The following IFT56 variants were observed in gnomAD, a reference collection of about 807,000 sequenced individuals.
IFT56 encodes intraflagellar transport 56.
the IFT56 span, among the ~76,000 whole-genome samples, chr7:139,142,765 G>A: frequency 6.6e-6 from 1 of 152,136 alleles, no homozygotes; most frequent in African/African-American, 2.4e-5. Context: ...CCAGGAGGCG[G>A]GGGTTGCAGT....
the IFT56 span, among the ~76,000 whole-genome samples, chr7:139,166,274 G>T: frequency 2.0e-5 from 3 of 151,944 alleles, no homozygotes; most frequent in African/African-American, 7.2e-5. Flanking sequence ...TTATATAAAA[G>T]CAAAAAGAAA....
chr7:139,155,532 A>G, the IFT56 span, among the ~76,000 whole-genome samples: 7 of 152,224 alleles, frequency 4.6e-5, no homozygotes, highest in East Asian at 1.4e-3. Context: ...TCTATTAGCT[A>G]TGGAGATGAT....
At chr7:139,182,532 A>T in the IFT56 span, among the ~76,000 whole-genome samples, 8 of 152,226 alleles carry the variant, frequency 5.3e-5, no homozygotes, top group Non-Finnish European at 7.3e-5. Context: ...CAGAAGTAGG[A>T]AATTAACAGG....
the IFT56 span, among the ~76,000 whole-genome samples, chr7:139,176,483 T>C: frequency 1.3e-5 from 2 of 152,226 alleles, no homozygotes; most frequent in Non-Finnish European, 2.9e-5. Context: ...CACAGTTATA[T>C]AATGTTCACC....
the IFT56 span, among the ~76,000 whole-genome samples, chr7:139,141,835 GAT>G: frequency 6.6e-6 from 1 of 152,292 alleles, no homozygotes; most frequent in East Asian, 1.9e-4. Flanking sequence ...TGGAAAAGGA[GAT>G]ATCAGAAGGA....
chr7:139,165,264 C>T, the IFT56 span: 2 of 1,486,942 alleles, frequency 1.3e-6, no homozygotes, highest in African/African-American at 1.4e-5. Flanking sequence ...GTCTTACTTA[C>T]AATGAGATAT....
the IFT56 span, among the ~76,000 whole-genome samples, chr7:139,169,857 T>G: frequency 6.6e-6 from 1 of 151,794 alleles, no homozygotes; most frequent in African/African-American, 2.4e-5. Context: ...TAAGTAATAA[T>G]AAAAAAATCA....
At chr7:139,147,253 G>A in the IFT56 span, 1 of 1,613,314 alleles carries the variant, frequency 6.2e-7, no homozygotes, top group Non-Finnish European at 8.5e-7. Context: ...CTACCAAGAA[G>A]CTATAGATAT....
chr7:139,186,409 G>T, the IFT56 span, among the ~76,000 whole-genome samples: 1 of 150,336 alleles, frequency 6.7e-6, no homozygotes, highest in East Asian at 2.0e-4. Context: ...CTGGGCAATA[G>T]TGCAAGATCC....
chr7:139,167,984 T>C, the IFT56 span, among the ~76,000 whole-genome samples: 3 of 151,822 alleles, frequency 2.0e-5, no homozygotes, highest in East Asian at 5.8e-4. Context: ...ATATATGATA[T>C]GGTCACAGAG....
the IFT56 span, among the ~76,000 whole-genome samples, chr7:139,170,828 C>G: frequency 1.3e-5 from 2 of 152,158 alleles, no homozygotes; most frequent in Non-Finnish European, 2.9e-5. Flanking sequence ...TGTTATTCAA[C>G]ATAGCACTGG....
chr7:139,162,326 A>C, the IFT56 span, among the ~76,000 whole-genome samples: 1 of 152,236 alleles, frequency 6.6e-6, no homozygotes, highest in Admixed American at 6.5e-5. Context: ...AGGTGGATAC[A>C]ATATACAGCT....
At chr7:139,171,536 C>T in the IFT56 span, among the ~76,000 whole-genome samples, 1 of 152,078 alleles carries the variant, frequency 6.6e-6, no homozygotes, top group Non-Finnish European at 1.5e-5. Flanking sequence ...AGAAATAATC[C>T]ATATGTCTAC....
the IFT56 span, chr7:139,140,020 T>C: frequency 2.1e-6 from 3 of 1,451,248 alleles, 1 homozygote; most frequent in South Asian, 3.7e-5. Flanking sequence ...GGGGCTCTTA[T>C]ATCTGATATT....
chr7:139,169,249 T>C, the IFT56 span: 4 of 1,547,710 alleles, frequency 2.6e-6, no homozygotes, highest in Non-Finnish European at 3.6e-6. Context: ...ATAAAATATT[T>C]TTACCTTATT....
At chr7:139,178,101 A>G in the IFT56 span, 96 of 751,046 alleles carry the variant, frequency 1.3e-4, no homozygotes, top group Middle Eastern at 1.2e-3. Flanking sequence ...CAGAATCTAG[A>G]AAGATATTTT....
chr7:139,166,817 A>C, the IFT56 span: 1 of 1,459,778 alleles, frequency 6.9e-7, no homozygotes, highest in Non-Finnish European at 9.6e-7. Flanking sequence ...ACAGACTAGT[A>C]TAATTACTTT....
At chr7:139,174,258 A>G in the IFT56 span, 1 of 581,296 alleles carries the variant, frequency 1.7e-6, no homozygotes, top group African/African-American at 1.9e-5. Flanking sequence ...CAACAATAAC[A>G]TTAACAATCT....
At chr7:139,154,549 C>T in the IFT56 span, among the ~76,000 whole-genome samples, 1 of 152,180 alleles carries the variant, frequency 6.6e-6, no homozygotes, top group African/African-American at 2.4e-5. Context: ...TATTCTTTTG[C>T]TTGTAAATAT....
Sources: gnomAD v4.1 joint callset for allele counts (sites outside exome capture counted in the v4.1 genomes callset) on GRCh38, gnomAD v4.1.1 for gene constraint, MANE v1.5 for transcripts, NCBI Gene and HGNC (gene_info 2026-07-23, HGNC 2026-07-21) for gene names.